FNDC3A: variants seen among roughly 807,000 people sequenced by gnomAD.
FNDC3A encodes fibronectin type III domain containing 3A.
FNDC3A carries 32 observed loss-of-function variants against 148.9 expected under a neutral mutation model. The ratio of observed to expected loss-of-function variants is 0.21; its 90% CI spans 0.16 to 0.29. FNDC3A has a LOEUF of 0.29. FNDC3A is among the 10% of genes least tolerant of loss of function. The pLI is 1.00. For missense variants in FNDC3A, 1,191 were observed against 1,452.8 expected (o/e 0.82, Z 2.93); for synonymous variants, 472 against 473.6 (o/e 1.00, Z 0.04).
At chr13:49,140,066 G>A (rs899045550) in intron 7 of FNDC3A, among the ~76,000 whole-genome samples, 3 of 152,202 alleles carry the variant, frequency 2.0e-5, no homozygotes, top group African/African-American at 7.2e-5. Context: ...GCCAGGTGCA[G>A]TGGCTCACAC....
At chr13:48,989,636 A>G (rs1951872481) in intron 1 of FNDC3A, among the ~76,000 whole-genome samples, 1 of 152,278 alleles carries the variant, frequency 6.6e-6, no homozygotes, top group Non-Finnish European at 1.5e-5. Flanking sequence ...AAGTATTTGA[A>G]GAAATAATGG....
At chr13:49,187,495 T>A (rs1593726294) in intron 16 of FNDC3A, 4 of 1,560,116 alleles carry the variant, frequency 2.6e-6, no homozygotes, top group African/African-American at 1.4e-5. Flanking sequence ...TTTAAGTAGT[T>A]GTTGTCTTAC....
At chr13:49,074,662 A>G (rs1323615914) in intron 2 of FNDC3A, among the ~76,000 whole-genome samples, 1 of 152,192 alleles carries the variant, frequency 6.6e-6, no homozygotes, top group African/African-American at 2.4e-5. Flanking sequence ...AGAATTGAAT[A>G]TCTTGTATCT....
At chr13:49,109,985 C>G (rs900232435) in intron 3 of FNDC3A, among the ~76,000 whole-genome samples, 2 of 152,038 alleles carry the variant, frequency 1.3e-5, no homozygotes, top group African/African-American at 4.8e-5. Flanking sequence ...TAGCGGCAGG[C>G]TGCATGAGTA....
intron 2 of FNDC3A, among the ~76,000 whole-genome samples, 200 bp from the exon 3 acceptor site, chr13:49,075,089 C>G (rs1878005724): frequency 6.6e-6 from 1 of 151,700 alleles, no homozygotes; most frequent in South Asian, 2.1e-4. Context: ...TTTTTTTATT[C>G]CCTTTACTTT....
chr13:49,129,238 G>A (rs932847113), intron 4 of FNDC3A, among the ~76,000 whole-genome samples: 3 of 152,232 alleles, frequency 2.0e-5, no homozygotes, highest in Admixed American at 6.5e-5. Flanking sequence ...GCAAAGTGAA[G>A]AAGAATAATT....
chr13:49,012,335 G>C (rs1304309209), intron 2 of FNDC3A, among the ~76,000 whole-genome samples: 2 of 151,978 alleles, frequency 1.3e-5, no homozygotes, highest in African/African-American at 2.4e-5. Flanking sequence ...GGATGGTCTT[G>C]ATCTCCTGAC....
chr13:49,194,244 C>T (rs1434805471), intron 19 of FNDC3A, among the ~76,000 whole-genome samples: 2 of 152,186 alleles, frequency 1.3e-5, no homozygotes. Context: ...GCCTGGGCAA[C>T]AGGCTTTTTC....
chr13:49,075,087 T>C (rs1189799840), intron 2 of FNDC3A, among the ~76,000 whole-genome samples: 2 of 152,184 alleles, frequency 1.3e-5, no homozygotes, highest in East Asian at 1.9e-4. Flanking sequence ...CTTTTTTTTA[T>C]TCCCTTTACT....
intron 2 of FNDC3A, among the ~76,000 whole-genome samples, chr13:49,031,357 T>C (rs999354477): frequency 1.3e-5 from 2 of 152,142 alleles, no homozygotes; most frequent in African/African-American, 4.8e-5. Flanking sequence ...ATGATCAGCC[T>C]GAGCAATGGA....
chr13:49,001,794 A>T (rs896028028), intron 1 of FNDC3A, among the ~76,000 whole-genome samples: 1 of 152,212 alleles, frequency 6.6e-6, no homozygotes, highest in South Asian at 2.1e-4. Flanking sequence ...TATCAATGAC[A>T]GTGCGTGCCC....
At chr13:49,183,319 T>C (rs1309460642) in intron 14 of FNDC3A, among the ~76,000 whole-genome samples, 1 of 152,190 alleles carries the variant, frequency 6.6e-6, no homozygotes, top group Admixed American at 6.5e-5. Context: ...CTTAGTAATC[T>C]TTGTCCTCCT....
chr13:49,158,060 T>A (rs1455823732), intron 8 of FNDC3A, among the ~76,000 whole-genome samples: 5 of 152,158 alleles, frequency 3.3e-5, no homozygotes, highest in Admixed American at 3.3e-4. Flanking sequence ...CAGTTCGAGC[T>A]TCCCGGCTGC....
At chr13:49,142,267 T>G (rs949758772) in intron 7 of FNDC3A, among the ~76,000 whole-genome samples, 8 of 152,208 alleles carry the variant, frequency 5.3e-5, no homozygotes, top group Non-Finnish European at 7.4e-5. Context: ...CTATACTATT[T>G]TATCACGTTC....
rs1329876151 is a variant in FNDC3A at position 49,070,252 on chromosome 13, C to T, written c.100-5037C>T. ...GTTCAAGCAGTTCTCCTGCCGCAGC[C>T]TCCTGAGTAGCTGGGGTTACAGGCA... On this transcript the variant is annotated intron_variant, in intron 2 of 25. Transcript: ENST00000492622. Among the ~76,000 whole-genome samples, 4 of 152,012 alleles carry T rather than the reference C, an allele frequency of 2.6e-5. No homozygotes were observed. In the East Asian group the frequency reaches 7.7e-4, roughly 29 times the overall value.
rs1885874396 is a variant in FNDC3A at position 49,191,298 on chromosome 13, C to G, written c.2140C>G (p.Gln714Glu). 2 of 1,613,654 alleles carry G rather than the reference C, an allele frequency of 1.2e-6. No individual in the cohort carries two copies. The highest frequency in any genetic ancestry group is 4.5e-5 in the East Asian group (2 of 44,866). ...IEKDEPREVY[Q>E]GSEVECTVSS... ...AAAAGATGAACCTAGAGAAGTTTAC[C>G]AAGGTTCTGAAGTAGAATGTACAGT... Residue 714 changes from glutamine (Q) to glutamate (E), a missense_variant, in exon 19 of 26, where the codon CAA becomes GAA. By Grantham distance (29) the Gln-to-Glu change is conservative. Transcript: ENST00000492622.
Position 49,142,449 on chromosome 13 carries a change from T to C in FNDC3A, c.820-3329T>C, listed in dbSNP as rs539662623. Among the ~76,000 whole-genome samples the C allele has an allele frequency of 9.2e-5, 14 of 152,316 alleles. 1 individual carries two copies. In the South Asian group the frequency reaches 2.7e-3, roughly 29 times the overall value. On this transcript the variant is annotated intron_variant, in intron 7 of 25. Transcript: ENST00000492622. ...CCATGCTAGATTAGTACTCCAGCTT[T>C]ATTATTTCACTATAAGTTTATAGGA...
chr13:49,106,562 C>A (rs1224379963), intron 3 of FNDC3A, among the ~76,000 whole-genome samples: 1 of 152,210 alleles, frequency 6.6e-6, no homozygotes, highest in African/African-American at 2.4e-5. Flanking sequence ...TGATCCACCT[C>A]AGCTTCCCAA....
chr13:49,204,583 A>G (rs1417704620), intron 25 of FNDC3A, among the ~76,000 whole-genome samples: 1 of 152,220 alleles, frequency 6.6e-6, no homozygotes, highest in Non-Finnish European at 1.5e-5. Flanking sequence ...TAATTTACAG[A>G]TAAGTAGGTT....
Sources: gnomAD v4.1 joint callset for allele counts (sites outside exome capture counted in the v4.1 genomes callset) on GRCh38, gnomAD v4.1.1 for gene constraint, MANE v1.5 for transcripts, NCBI Gene and HGNC (gene_info 2026-07-23, HGNC 2026-07-21) for gene names.